Variants in SPEN observed in about 807,000 individuals in gnomAD.
The protein encoded by SPEN is msx2-interacting protein.
Under a neutral mutation model 269.9 loss-of-function variants are expected in SPEN, and 18 were observed. The ratio of observed to expected loss-of-function variants is 0.07; its 90% CI spans 0.05 to 0.10. The LOEUF (loss-of-function observed/expected upper bound fraction) is 0.10. SPEN is among the 10% of genes least tolerant of loss of function. SPEN has a pLI of 1.00. For missense variants in SPEN, 3,822 were observed against 4,631.2 expected (o/e 0.83, Z 5.07); for synonymous variants, 1,726 against 1,765.7 (o/e 0.98, Z 0.56).
Position 15,931,318 on chromosome 1 carries a change from C to T in SPEN, c.5078C>T (p.Pro1693Leu). 6.2e-7 allele frequency: 1 copy of T among 1,614,210 alleles called. No homozygotes were observed. Among genetic ancestry groups the T allele is most frequent in the Non-Finnish European group, 8.5e-7 (1 of 1,180,038 alleles). Reference sequence around the variant, plus strand: ...CCTGCATCTGAACCTGCTCCTGCCCCTGTGGAACAGCTGGAACAAGTAGAC... The same window carrying T: ...CCTGCATCTGAACCTGCTCCTGCCCTTGTGGAACAGCTGGAACAAGTAGAC... Reference protein sequence around the residue: ...AKPASEPAPAPVEQLEQVDLP... With the variant: ...AKPASEPAPALVEQLEQVDLP... The change falls in exon 11 of 15, where the codon CCT (proline) becomes CTT (leucine). Residue 1693 changes from proline (P) to leucine (L), a missense_variant. Pro to Leu is a moderately conservative substitution (Grantham distance 98). Coordinates refer to ENST00000375759, the MANE Select transcript of SPEN (RefSeq NM_015001.3). This position sits in a 1 kb window ranked among gnomAD's most constrained non-coding sequence, Gnocchi z 4.8.
In SPEN at chr1:15,848,278, G is replaced by T; in HGVS notation, c.83+128G>T. The T allele has an allele frequency of 2.0e-6, 1 of 508,252 alleles. No individual in the cohort carries two copies. Among genetic ancestry groups the T allele is most frequent in the South Asian group, 7.6e-5 (1 of 13,144 alleles). The allele number at this position is 508,252 out of a possible 1,614,324, so 31.5% of individuals were successfully genotyped here. On this transcript the variant is annotated intron_variant, in intron 1 of 14. Transcript: ENST00000375759. The surrounding 1 kb of genome is among the most constrained non-coding windows in gnomAD (Gnocchi z 5.1). Reference sequence around the variant, plus strand: ...TCCGGCCCGGACCCACGGGCGCTGTGGGACCTCGTCAGCCGCTCGGCCCGC... The same window carrying T: ...TCCGGCCCGGACCCACGGGCGCTGTTGGACCTCGTCAGCCGCTCGGCCCGC...
rs370007008 is a variant in SPEN, at chr1:15,901,710, G to A, written c.882-7611G>A. On this transcript the variant is annotated intron_variant, in intron 3 of 14. Coordinates refer to ENST00000375759, the MANE Select transcript of SPEN (RefSeq NM_015001.3). ...CTTAAATTCAGATTACATCAGAAGT[G>A]GTGGAGTTGAAAATGGTAATGGTGT... 8.4e-4 allele frequency among the ~76,000 whole-genome samples: 127 copies of A among 151,250 alleles called. No individual in the cohort carries two copies. In the South Asian group the frequency reaches 0.011, roughly 13 times the overall value.
intron 3 of SPEN, among the ~76,000 whole-genome samples, chr1:15,893,022 C>T (rs1338755690): frequency 6.6e-6 from 1 of 152,142 alleles, no homozygotes; most frequent in African/African-American, 2.4e-5. Context: ...CGTTTGAACC[C>T]AGGAGGTGGA....
chr1:15,911,748 G>A (rs756766728), intron 5 of SPEN, among the ~76,000 whole-genome samples: 26 of 152,110 alleles, frequency 1.7e-4, no homozygotes, highest in Non-Finnish European at 3.4e-4. Context: ...ATCATCTGAG[G>A]TCAGGAGTTC....
chr1:15,892,959 G>A (rs1570014864), intron 3 of SPEN, among the ~76,000 whole-genome samples: 1 of 152,034 alleles, frequency 6.6e-6, no homozygotes, highest in African/African-American at 2.4e-5. Flanking sequence ...TTAGCTGGGC[G>A]TGGTGGCATG....
intron 1 of SPEN, among the ~76,000 whole-genome samples, chr1:15,867,064 C>T (rs764141077): frequency 2.0e-5 from 3 of 152,112 alleles, no homozygotes; most frequent in Non-Finnish European, 2.9e-5. Flanking sequence ...CACAGAGTTG[C>T]GCAACCATTA....
Position 15,934,955 on chromosome 1 carries a change from T to C in SPEN, c.8715T>C (p.Asp2905=). Residue 2905 remains aspartate, a synonymous_variant, in exon 11 of 15, where the codon GAT becomes GAC. Coordinates refer to ENST00000375759, the MANE Select transcript of SPEN (RefSeq NM_015001.3). This position sits in a 1 kb window ranked among gnomAD's most constrained non-coding sequence, Gnocchi z 9.2. ...CTGTGATTTCGTCTGTGAAGGCCGA[T>C]AGGCCATCCTTGGAGAAGCCCGAGC... ...ASPVISSVKA[D]RPSLEKPEPI... 1 of 1,613,930 alleles carries C rather than the reference T, an allele frequency of 6.2e-7. No individual in the cohort carries two copies. Among genetic ancestry groups the C allele is most frequent in the Non-Finnish European group, 8.5e-7 (1 of 1,180,010 alleles).
At chr1:15,857,611 C>T (rs2070400289) in intron 1 of SPEN, among the ~76,000 whole-genome samples, 2 of 152,144 alleles carry the variant, frequency 1.3e-5, no homozygotes, top group Admixed American at 1.3e-4. Flanking sequence ...CCTGCCTCAG[C>T]CTCCCAAAGT....
Position 15,879,480 on chromosome 1 carries a change from A to G in SPEN, c.881+2802A>G, listed in dbSNP as rs181747508. 3.1e-4 allele frequency among the ~76,000 whole-genome samples: 47 copies of G among 152,272 alleles called. No individual in the cohort carries two copies. In the East Asian group the frequency reaches 7.3e-3, roughly 24 times the overall value. ...CAGCTGTATGCTTCTAAATGTTTGCACTCAGAAAGATAACTGCTAGAAGGG... is the reference window on the plus strand; with the variant it reads ...CAGCTGTATGCTTCTAAATGTTTGCGCTCAGAAAGATAACTGCTAGAAGGG... On this transcript the variant is annotated intron_variant, in intron 3 of 14. Coordinates refer to ENST00000375759, the MANE Select transcript of SPEN (RefSeq NM_015001.3).
chr1:15,913,378 G>A (rs374346086), intron 5 of SPEN, among the ~76,000 whole-genome samples: 1 of 151,988 alleles, frequency 6.6e-6, no homozygotes, highest in Non-Finnish European at 1.5e-5. Context: ...TGGACTACAC[G>A]TGGAAAACTT....
Position 15,848,181 on chromosome 1 carries a change from G to T in SPEN, c.83+31G>T, listed in dbSNP as rs778314062. On this transcript the variant is annotated intron_variant, in intron 1 of 14. Coordinates refer to ENST00000375759, the MANE Select transcript of SPEN (RefSeq NM_015001.3). The surrounding 1 kb of genome is among the most constrained non-coding windows in gnomAD (Gnocchi z 5.1). Reference sequence around the variant, plus strand: ...TGACACGAGGCCCGCGGCCGCGCTCGCTCCTCGGGCGCCGCTTCCCGCCCC... The same window carrying T: ...TGACACGAGGCCCGCGGCCGCGCTCTCTCCTCGGGCGCCGCTTCCCGCCCC... 1 of 1,405,980 alleles carries T rather than the reference G, an allele frequency of 7.1e-7. No homozygotes were observed. The highest frequency in any genetic ancestry group is 9.5e-7 in the Non-Finnish European group (1 of 1,054,466). 87.1% of individuals were successfully genotyped at this position (1,405,980 alleles called of 1,614,324 possible).
chr1:15,853,490 T>C (rs2070356218), intron 1 of SPEN, among the ~76,000 whole-genome samples: 1 of 151,058 alleles, frequency 6.6e-6, no homozygotes, highest in Admixed American at 6.6e-5. Context: ...CTGGCCTATT[T>C]TTATTTTTAT....
intron 1 of SPEN, among the ~76,000 whole-genome samples, chr1:15,871,956 C>T (rs995246014): frequency 1.1e-4 from 16 of 151,844 alleles, no homozygotes; most frequent in Non-Finnish European, 2.1e-4. Context: ...ATTTCAAGGC[C>T]GGGTGCTGTG....
rs561141358 is a variant in SPEN, at chr1:15,906,022, C to T, written c.882-3299C>T. Among the ~76,000 whole-genome samples, 279 of 152,160 alleles carry T rather than the reference C, an allele frequency of 1.8e-3. 1 individual carries two copies. Among genetic ancestry groups the T allele is most frequent in the Non-Finnish European group, 3.6e-3 (245 of 68,004 alleles). On this transcript the variant is annotated intron_variant, in intron 3 of 14. Transcript: ENST00000375759. ...TTAATGTTTACTTTATGATTATTGC[C>T]ATTGACTAAGTTGATAAGTCACATA...
intron 3 of SPEN, among the ~76,000 whole-genome samples, chr1:15,887,306 A>G (rs1570007139): frequency 2.2e-4 from 16 of 73,280 alleles, no homozygotes; most frequent in Non-Finnish European, 2.2e-4. Flanking sequence ...TTTGAGACGG[A>G]GTCTTGCTCT....
chr1:15,895,818 T>TG (rs1370870945), intron 3 of SPEN, among the ~76,000 whole-genome samples: 1 of 151,822 alleles, frequency 6.6e-6, no homozygotes, highest in Non-Finnish European at 1.5e-5. Flanking sequence ...TAGCTGGGAC[T>TG]ACAGGCATGC....
chr1:15,878,038 C>A (rs1347873793), intron 3 of SPEN, among the ~76,000 whole-genome samples: 2 of 152,004 alleles, frequency 1.3e-5, no homozygotes, highest in Non-Finnish European at 2.9e-5. Context: ...AGCTACTGCG[C>A]CTGGCCAAGC....
At chr1:15,849,187 T>C (rs1218754729) in intron 1 of SPEN, among the ~76,000 whole-genome samples, 2 of 152,346 alleles carry the variant, frequency 1.3e-5, no homozygotes, top group East Asian at 3.9e-4. Flanking sequence ...ATAGCAAATC[T>C]GTGGTTGTCC....
intron 3 of SPEN, among the ~76,000 whole-genome samples, chr1:15,893,719 G>A (rs923535294): frequency 5.3e-5 from 8 of 151,620 alleles, no homozygotes; most frequent in Non-Finnish European, 1.0e-4. Flanking sequence ...GCAACAGAGC[G>A]AGACCCTGTC....
Sources: allele counts gnomAD v4.1 joint callset (sites outside exome capture counted in the v4.1 genomes callset), GRCh38; gene constraint gnomAD v4.1.1; non-coding constraint Gnocchi (gnomAD v3.1); transcripts MANE v1.5; gene names NCBI Gene and HGNC (gene_info 2026-07-23, HGNC 2026-07-21).